CCBE1: variants seen among roughly 807,000 people sequenced by gnomAD.
CCBE1 encodes collagen and calcium binding EGF domains 1.
Under a neutral mutation model 50.0 loss-of-function variants are expected in CCBE1, and 37 were observed. The observed-to-expected ratio is 0.74, with a 90% CI of 0.57 to 0.97. CCBE1 has a LOEUF of 0.97. Ranked by LOEUF, CCBE1 falls within the 50% of genes least tolerant of loss-of-function variation. The pLI is 0.00. For synonymous variants in CCBE1, 234 were observed against 203.7 expected (o/e 1.15, Z -1.27); for missense variants, 538 against 523.8 (o/e 1.03, Z -0.26).
chr18:59,459,373 T>C (rs1360587233), intron 5 of CCBE1, among the ~76,000 whole-genome samples: 3 of 152,216 alleles, frequency 2.0e-5, no homozygotes, highest in East Asian at 3.8e-4. Context: ...GAGCTACAAA[T>C]AATCTCACAT....
At chr18:59,643,076 G>A (rs898018629) in intron 2 of CCBE1, among the ~76,000 whole-genome samples, 3 of 152,122 alleles carry the variant, frequency 2.0e-5, no homozygotes, top group Non-Finnish European at 4.4e-5. Flanking sequence ...CTGGATGGCT[G>A]AGTGGATGGT....
At chr18:59,636,381 A>G (rs1421676838) in intron 2 of CCBE1, among the ~76,000 whole-genome samples, 2 of 152,250 alleles carry the variant, frequency 1.3e-5, no homozygotes, top group Admixed American at 1.3e-4. Context: ...TGCCTCAAAT[A>G]GGTCTATGTG....
At chr18:59,652,578 A>C (rs1447715715) in intron 2 of CCBE1, among the ~76,000 whole-genome samples, 1 of 152,236 alleles carries the variant, frequency 6.6e-6, no homozygotes, top group African/African-American at 2.4e-5. Context: ...AATGAAGAGA[A>C]AGAAAGAGGA....
chr18:59,452,080 G>A (rs750762723), intron 6 of CCBE1, among the ~76,000 whole-genome samples: 50 of 152,124 alleles, frequency 3.3e-4, no homozygotes, highest in Non-Finnish European at 6.3e-4. Context: ...GCAGACTGCC[G>A]GAACCCAGGG....
chr18:59,587,897 A>C (rs145065978), intron 2 of CCBE1, among the ~76,000 whole-genome samples: 1 of 152,370 alleles, frequency 6.6e-6, no homozygotes, highest in Non-Finnish European at 1.5e-5. Context: ...ATTTTTGAAG[A>C]TACTATTTTT....
intron 2 of CCBE1, among the ~76,000 whole-genome samples, chr18:59,539,290 C>T (rs1022181180): frequency 6.6e-5 from 10 of 151,974 alleles, no homozygotes; most frequent in South Asian, 2.1e-4. Context: ...TTGCATGCTT[C>T]GATGAAGAAC....
chr18:59,561,514 C>A (rs1323816497), intron 2 of CCBE1, among the ~76,000 whole-genome samples: 1 of 152,228 alleles, frequency 6.6e-6, no homozygotes, highest in Non-Finnish European at 1.5e-5. Flanking sequence ...CTTGTTATCA[C>A]AGCCATGTAG....
chr18:59,590,271 T>A (rs536240683), intron 2 of CCBE1, among the ~76,000 whole-genome samples: 1 of 152,020 alleles, frequency 6.6e-6, no homozygotes, highest in East Asian at 1.9e-4. Flanking sequence ...CAGCAAAAAA[T>A]TTAGTAAAGA....
chr18:59,676,929 A>T (rs2054512320), intron 2 of CCBE1, among the ~76,000 whole-genome samples: 1 of 152,230 alleles, frequency 6.6e-6, no homozygotes, highest in Non-Finnish European at 1.5e-5. Flanking sequence ...AAAGAGTCTT[A>T]AAGAAATGAA....
chr18:59,643,023 T>C (rs1237732396), intron 2 of CCBE1, among the ~76,000 whole-genome samples: 1 of 148,778 alleles, frequency 6.7e-6, no homozygotes. Context: ...GTACAGAAAA[T>C]GTTCTAGGCA....
chr18:59,548,865 T>C (rs1239553091), intron 2 of CCBE1, among the ~76,000 whole-genome samples: 1 of 152,104 alleles, frequency 6.6e-6, no homozygotes, highest in Non-Finnish European at 1.5e-5. Context: ...TTTGTGCATC[T>C]AAACATAGGA....
At chr18:59,632,279 C>T (rs1285219607) in intron 2 of CCBE1, among the ~76,000 whole-genome samples, 1 of 152,106 alleles carries the variant, frequency 6.6e-6, no homozygotes, top group African/African-American at 2.4e-5. Context: ...TGGGCTGGGA[C>T]CTGACAATTG....
intron 2 of CCBE1, among the ~76,000 whole-genome samples, chr18:59,566,081 G>T (rs1197817652): frequency 6.6e-6 from 1 of 152,190 alleles, no homozygotes; most frequent in African/African-American, 2.4e-5. Flanking sequence ...TCTGGTAACT[G>T]AGAGTGAAAT....
intron 2 of CCBE1, among the ~76,000 whole-genome samples, chr18:59,585,319 A>G (rs2053162809): frequency 6.6e-6 from 1 of 152,124 alleles, no homozygotes; most frequent in Non-Finnish European, 1.5e-5. Context: ...ATGCTATCTG[A>G]AATCACAATG....
chr18:59,630,302 T>C (rs2053835078), intron 2 of CCBE1, among the ~76,000 whole-genome samples: 1 of 152,182 alleles, frequency 6.6e-6, no homozygotes, highest in South Asian at 2.1e-4. Flanking sequence ...TAATCTTCCT[T>C]CATAAACAGC....
At chr18:59,474,976 T>C (rs1465848175) in intron 3 of CCBE1, among the ~76,000 whole-genome samples, 2 of 152,160 alleles carry the variant, frequency 1.3e-5, no homozygotes, top group Admixed American at 6.5e-5. Context: ...TTTGTCCTCG[T>C]GGGTTTGTCT....
intron 2 of CCBE1, among the ~76,000 whole-genome samples, chr18:59,515,492 A>G (rs1022363528): frequency 6.6e-5 from 10 of 152,196 alleles, no homozygotes; most frequent in Non-Finnish European, 1.3e-4. Context: ...TCTCAGAGTT[A>G]CTATGTTCCA....
At chr18:59,692,956 G>GCACACACACACACA (rs59496597) in intron 2 of CCBE1, among the ~76,000 whole-genome samples, 1 of 86,888 alleles carries the variant, frequency 1.2e-5, no homozygotes, top group African/African-American at 4.4e-5. Flanking sequence ...TCAAGCCAAA[G>GCACACACACACACA]CACACACACA....
chr18:59,515,421 A>G (rs769845617), intron 2 of CCBE1, among the ~76,000 whole-genome samples: 21 of 152,194 alleles, frequency 1.4e-4, no homozygotes, highest in Non-Finnish European at 2.8e-4. Flanking sequence ...CTTCAGCTGC[A>G]ATGTGTCCAT....
Sources: gnomAD v4.1 joint callset for allele counts (sites outside exome capture counted in the v4.1 genomes callset) on GRCh38, gnomAD v4.1.1 for gene constraint, MANE v1.5 for transcripts, NCBI Gene and HGNC (gene_info 2026-07-23, HGNC 2026-07-21) for gene names.